The following RIMBP2 variants were observed in gnomAD, a reference collection of about 807,000 sequenced individuals.
The protein encoded by RIMBP2 is RIMS-binding protein 2.
A neutral mutation model predicts 118.6 loss-of-function variants in RIMBP2; 48 were observed. That is an observed-to-expected ratio of 0.40 (90% CI 0.32 to 0.51). RIMBP2 has a LOEUF of 0.51. Among genes scored for constraint, RIMBP2 ranks in the 20% least tolerant of loss-of-function variants. The pLI, the probability that RIMBP2 is intolerant of heterozygous loss-of-function variation, is 0.41. For synonymous variants in RIMBP2, 762 were observed against 742.9 expected, an observed-to-expected ratio of 1.03 and a Z score of -0.42; for missense variants, 1,551 against 1,768.3, an observed-to-expected ratio of 0.88 and a Z score of 2.20.
chr12:130,566,875 C>T (rs950071788), intron 2 of RIMBP2, among the ~76,000 whole-genome samples: 5 of 152,192 alleles, frequency 3.3e-5, no homozygotes, highest in African/African-American at 1.2e-4. Flanking sequence ...TCAATGTCTC[C>T]TAGGGCTGCA....
At chr12:130,669,402 C>T (rs1462293009) in intron 1 of RIMBP2, among the ~76,000 whole-genome samples, 3 of 152,120 alleles carry the variant, frequency 2.0e-5, no homozygotes, top group Non-Finnish European at 4.4e-5. Flanking sequence ...GTATTGTAAT[C>T]CCCATAATCC....
chr12:130,463,634 C>T (rs1387936811), intron 6 of RIMBP2, among the ~76,000 whole-genome samples: 1 of 152,062 alleles, frequency 6.6e-6, no homozygotes, highest in Non-Finnish European at 1.5e-5. Flanking sequence ...CATAATCACT[C>T]CAGAATCATA....
In RIMBP2 at chr12:130,469,020, C is replaced by G. The variant is rs2080771269; in HGVS notation, c.153+1673G>C. 1 of 152,396 alleles carries G rather than the reference C, an allele frequency of 6.6e-6. No individual in the cohort carries two copies. Among genetic ancestry groups the G allele is most frequent in the African/African-American group, 2.4e-5 (1 of 41,430 alleles). The allele number at this position is 152,396 out of a possible 1,614,324, so 9.4% of individuals were successfully genotyped here. ...CTGAGGAACCCCGACCACCCCCCAC[C>G]TGCGTCAGAAGCTGCAGTTCAGGAA... On this transcript the variant is annotated intron_variant, in intron 6 of 22. Transcript: ENST00000690449. This position sits in a 1 kb window ranked among gnomAD's most constrained non-coding sequence, Gnocchi z 4.8.
At chr12:130,619,087 A>C (rs1390235455) in intron 2 of RIMBP2, among the ~76,000 whole-genome samples, 2 of 152,202 alleles carry the variant, frequency 1.3e-5, no homozygotes, top group Non-Finnish European at 2.9e-5. Context: ...AATAGGCAAA[A>C]CTGAAGAAAT....
At chr12:130,558,086 G>A (rs2056518068) in intron 2 of RIMBP2, among the ~76,000 whole-genome samples, 1 of 152,180 alleles carries the variant, frequency 6.6e-6, no homozygotes, top group South Asian at 2.1e-4. Context: ...CAGTGATTAT[G>A]AGCTGTAATG....
At chr12:130,577,176 C>G (rs772393975) in intron 2 of RIMBP2, among the ~76,000 whole-genome samples, 1 of 152,208 alleles carries the variant, frequency 6.6e-6, no homozygotes, top group Non-Finnish European at 1.5e-5. Context: ...CTCAAGCTCT[C>G]TGCACCTGTC....
In RIMBP2 at chr12:130,584,731, A is replaced by ACCATTACATCATCACTATCACAG. The variant is rs1319521030; in HGVS notation, c.-217+43590_-217+43591insCTGTGATAGTGATGATGTAATGG. ...CAACCATTACATCATCACTATCACA[A>ACCATTACATCATCACTATCACAG]CCATTACATCATCATCACTACCATC... On this transcript the variant is annotated intron_variant, in intron 2 of 22. Transcript: ENST00000690449. 5.6e-4 allele frequency among the ~76,000 whole-genome samples: 85 copies of ACCATTACATCATCACTATCACAG among 152,202 alleles called. 1 individual carries two copies. The highest frequency in any genetic ancestry group is 8.7e-4 in the Non-Finnish European group (59 of 68,006).
intron 11 of RIMBP2, among the ~76,000 whole-genome samples, chr12:130,441,262 G>A (rs1179536259): frequency 1.3e-5 from 2 of 151,978 alleles, no homozygotes; most frequent in Middle Eastern, 3.4e-3. Context: ...TTAGCCGAGC[G>A]TGGCGGCAGG....
intron 2 of RIMBP2, among the ~76,000 whole-genome samples, chr12:130,541,774 C>T (rs1344702677): frequency 6.6e-6 from 1 of 152,166 alleles, no homozygotes; most frequent in Non-Finnish European, 1.5e-5. Flanking sequence ...TTCCAGGTGC[C>T]GAGCCATGCT....
chr12:130,467,156 A>C (rs993425289), intron 6 of RIMBP2, among the ~76,000 whole-genome samples: 10 of 152,246 alleles, frequency 6.6e-5, no homozygotes, highest in African/African-American at 1.9e-4. Flanking sequence ...GAAACAAAGA[A>C]GATAACAGCC....
At position 130,623,418 on chromosome 12, in the gene RIMBP2, C is replaced by A. The variant is rs961106350; in HGVS notation, c.-217+4904G>T. On this transcript the variant is annotated intron_variant, in intron 2 of 22. Coordinates refer to ENST00000690449, the MANE Select transcript of RIMBP2 (RefSeq NM_001393629.1). The surrounding 1 kb of genome is among the most constrained non-coding windows in gnomAD (Gnocchi z 4.1). ...AATGCTCCCCCTCCCCTTGCCCCCA[C>A]CCCCTGAAGTAGAGGCACATTTGCA... is the stretch of plus-strand genomic sequence containing the variant. 2.0e-5 allele frequency among the ~76,000 whole-genome samples: 3 copies of A among 151,904 alleles called. No individual in the cohort carries two copies. Among genetic ancestry groups the A allele is most frequent in the South Asian group, 2.1e-4 (1 of 4,804 alleles).
At chr12:130,635,610 G>A (rs2062304627) in intron 1 of RIMBP2, among the ~76,000 whole-genome samples, 1 of 152,048 alleles carries the variant, frequency 6.6e-6, no homozygotes, top group Admixed American at 6.5e-5. Flanking sequence ...AAGCTCGAGG[G>A]GATACTGCTG....
At chr12:130,433,469 A>C (rs1341494141) in intron 14 of RIMBP2, among the ~76,000 whole-genome samples, 1 of 152,146 alleles carries the variant, frequency 6.6e-6, no homozygotes, top group African/African-American at 2.4e-5. Context: ...CTTCAGAGAG[A>C]GCACCCTCAG....
intron 2 of RIMBP2, among the ~76,000 whole-genome samples, chr12:130,551,716 G>A (rs2055805230): frequency 6.6e-6 from 1 of 152,144 alleles, no homozygotes; most frequent in African/African-American, 2.4e-5. Context: ...GGAACCCAAG[G>A]AAAGAGAAGG....
At chr12:130,500,963 T>C (rs897749125) in intron 4 of RIMBP2, among the ~76,000 whole-genome samples, 4 of 152,072 alleles carry the variant, frequency 2.6e-5, no homozygotes, top group Admixed American at 6.5e-5. Flanking sequence ...GGGAGGTCCG[T>C]AGAGTGGGAA....
intron 2 of RIMBP2, among the ~76,000 whole-genome samples, chr12:130,547,669 T>C (rs1355615124): frequency 2.0e-5 from 3 of 152,104 alleles, no homozygotes; most frequent in African/African-American, 7.2e-5. Context: ...AGCCCCGAAA[T>C]GGGGAAGATC....
chr12:130,430,010 T>C (rs1321035577), intron 14 of RIMBP2: 2 of 152,176 alleles, frequency 1.3e-5, no homozygotes, highest in East Asian at 3.9e-4. Flanking sequence ...GAGCTAGGGG[T>C]CAACTCCTGG....
intron 11 of RIMBP2, among the ~76,000 whole-genome samples, chr12:130,439,548 G>A (rs899482273): frequency 3.2e-5 from 4 of 123,444 alleles, no homozygotes; most frequent in African/African-American, 1.2e-4. Context: ...TAGGGGTGTC[G>A]GTGGGGGTGT....
chr12:130,542,509 C>G (rs2054710729), intron 2 of RIMBP2, among the ~76,000 whole-genome samples: 1 of 152,300 alleles, frequency 6.6e-6, no homozygotes, highest in South Asian at 2.1e-4. Context: ...AAAAAAGAAA[C>G]AGCCAATCAA....
Sources: allele counts gnomAD v4.1 joint callset (sites outside exome capture counted in the v4.1 genomes callset), GRCh38; gene constraint gnomAD v4.1.1; non-coding constraint Gnocchi (gnomAD v3.1); transcripts MANE v1.5; gene names NCBI Gene and HGNC (gene_info 2026-07-23, HGNC 2026-07-21).